The following IFITM10 variants were observed in gnomAD, a reference collection of about 807,000 sequenced individuals.
IFITM10 encodes the protein interferon induced transmembrane protein 10.
IFITM10 carries 17 observed loss-of-function variants against 19.0 expected under a neutral mutation model. The ratio of observed to expected loss-of-function variants is 0.90; its 90% CI spans 0.61 to 1.34. The LOEUF is 1.34. Ranked by LOEUF, IFITM10 falls within the 40% of genes most tolerant of loss-of-function variation. The pLI, the probability that IFITM10 is intolerant of heterozygous loss-of-function variation, is 0.00. For missense variants in IFITM10, 306 were observed against 319.8 expected (o/e 0.96, Z 0.33); for synonymous variants, 148 against 147.2 (o/e 1.01, Z -0.04).
chr11:1,746,796 T>C (rs914327091), intron 2 of IFITM10: 13 of 398,572 alleles, frequency 3.3e-5, no homozygotes, highest in Non-Finnish European at 8.8e-6. Context: ...CACTCAAGTC[T>C]GGGCTGGGGA....
intron 2 of IFITM10, chr11:1,745,398 A>T (rs890722018): frequency 2.6e-5 from 4 of 152,278 alleles, no homozygotes; most frequent in Non-Finnish European, 2.9e-5. Flanking sequence ...CTTTCTGCTC[A>T]GGATTGGTCT....
intron 2 of IFITM10, chr11:1,745,903 AC>A: frequency 6.7e-6 from 1 of 149,856 alleles, no homozygotes; most frequent in East Asian, 2.0e-4. Context: ...TCAGGTACAT[AC>A]AGACAGTACA....
chr11:1,748,128 G>A lies in IFITM10; in HGVS notation c.85-9C>T. 7.4e-7 allele frequency: 1 copy of A among 1,355,494 alleles called. No individual in the cohort carries two copies. The highest frequency in any genetic ancestry group is 9.4e-7 in the Non-Finnish European group (1 of 1,061,322). The allele number at this position is 1,355,494 out of a possible 1,614,324, so 84.0% of individuals were successfully genotyped here. Reference sequence around the variant, plus strand: ...TGGCCGGGGCCCTGGGCCTGGAGAGGAGAAAGTGAGAGCAAGCTGGGCCCG... The same window carrying A: ...TGGCCGGGGCCCTGGGCCTGGAGAGAAGAAAGTGAGAGCAAGCTGGGCCCG... On this transcript the variant is annotated splice_polypyrimidine_tract_variant and intron_variant, in intron 1 of 2. Transcript: ENST00000340134.
At chr11:1,748,155 C>A (rs1590900061) in intron 1 of IFITM10, 36 bp from the exon 2 acceptor site, 1 of 1,314,706 alleles carries the variant, frequency 7.6e-7, no homozygotes. Context: ...CTGGGCCCGG[C>A]CTACCGGCCA....
chr11:1,748,287 A>G (rs866750134), intron 1 of IFITM10, 168 bp from the exon 2 acceptor site: 3 of 479,314 alleles, frequency 6.3e-6, no homozygotes, highest in African/African-American at 6.1e-5. Context: ...CTCGGCGGCC[A>G]CGGACGATGC....
intron 2 of IFITM10, among the ~76,000 whole-genome samples, chr11:1,739,572 G>A (rs1851123801): frequency 6.6e-6 from 1 of 152,178 alleles, no homozygotes; most frequent in African/African-American, 2.4e-5. Flanking sequence ...TGCTCAGTGT[G>A]CTAAAAAGAA....
intron 2 of IFITM10, chr11:1,745,615 C>T (rs1463428792): frequency 6.6e-6 from 1 of 152,190 alleles, no homozygotes; most frequent in African/African-American, 2.4e-5. Context: ...ATACATCACA[C>T]ATGCACACAC....
intron 1 of IFITM10, among the ~76,000 whole-genome samples, chr11:1,749,890 G>A (rs1345042599): frequency 6.6e-6 from 1 of 152,048 alleles, no homozygotes; most frequent in Non-Finnish European, 1.5e-5. Context: ...ACTTCACCCA[G>A]CCGGGGCCCC....
At chr11:1,740,858 C>T (rs937229787) in intron 2 of IFITM10, among the ~76,000 whole-genome samples, 1 of 98,666 alleles carries the variant, frequency 1.0e-5, no homozygotes, top group Non-Finnish European at 2.2e-5. Context: ...TTGATGCTGT[C>T]CTCACCATAG....
intron 2 of IFITM10, chr11:1,746,889 C>G (rs1331267202): frequency 1.5e-5 from 6 of 397,904 alleles, no homozygotes; most frequent in Non-Finnish European, 2.7e-5. Flanking sequence ...GGCCTGCCCT[C>G]GCCCTCACGC....
chr11:1,745,565 A>T (rs548315607), intron 2 of IFITM10: 34 of 152,680 alleles, frequency 2.2e-4, no homozygotes, highest in African/African-American at 7.7e-4. Flanking sequence ...CGTACCATGC[A>T]CACTCACGTA....
intron 2 of IFITM10, among the ~76,000 whole-genome samples, chr11:1,735,951 G>A (rs1010016129): frequency 2.0e-5 from 3 of 152,080 alleles, no homozygotes; most frequent in Non-Finnish European, 4.4e-5. Context: ...CAGTCCACAG[G>A]GCCTTTGGGG....
At chr11:1,746,606 C>T (rs769384647) in intron 2 of IFITM10, 3 of 398,512 alleles carry the variant, frequency 7.5e-6, no homozygotes, top group Non-Finnish European at 8.8e-6. Context: ...AGGGGAACGC[C>T]GACCGCAGTT....
intron 2 of IFITM10, among the ~76,000 whole-genome samples, chr11:1,743,137 TATGG>T (rs1441026044): frequency 1.7e-5 from 2 of 120,144 alleles, no homozygotes; most frequent in South Asian, 2.7e-4. Context: ...GATGGATGGA[TATGG>T]ATGGATGGAC....
rs1338224306 is a variant in IFITM10 at position 1,750,476 on chromosome 11, T to C, written c.-34A>G. 11 of 1,550,226 alleles carry C rather than the reference T, an allele frequency of 7.1e-6. No homozygotes were observed. Among genetic ancestry groups the C allele is most frequent in the African/African-American group, 5.5e-5 (4 of 73,100 alleles). ...AAGCCCCATCCTCCCATGAAACTCC[T>C]TTCTCCTCTGCCACTCTCAACTGGC... On this transcript the variant is annotated 5_prime_UTR_variant, in exon 1 of 3. Coordinates refer to ENST00000340134, the MANE Select transcript of IFITM10 (RefSeq NM_001170820.4).
In IFITM10 at chr11:1,732,567, C is replaced by G. The variant is rs769219187; in HGVS notation, c.*2713G>C. 10 of 152,366 alleles carry G rather than the reference C, an allele frequency of 6.6e-5. No homozygotes were observed. Among genetic ancestry groups the G allele is most frequent in the Non-Finnish European group, 1.2e-4 (8 of 68,150 alleles). The allele number at this position is 152,366 out of a possible 1,614,324, so 9.4% of individuals were successfully genotyped here. On this transcript the variant is annotated 3_prime_UTR_variant, in exon 3 of 3. Coordinates refer to ENST00000340134, the MANE Select transcript of IFITM10 (RefSeq NM_001170820.4). ...AAGACACAGACTTCGAAGCCAGAGA[C>G]CAGCGCCGGAGCTGATGCCTGCTTG...
At chr11:1,736,244 G>A (rs187428878) in intron 2 of IFITM10, among the ~76,000 whole-genome samples, 1 of 152,324 alleles carries the variant, frequency 6.6e-6, no homozygotes, top group African/African-American at 2.4e-5. Context: ...GCTGAAAGAA[G>A]GAAGGTGGGC....
chr11:1,741,739 T>C (rs1181348085), intron 2 of IFITM10, among the ~76,000 whole-genome samples: 1 of 151,988 alleles, frequency 6.6e-6, no homozygotes, highest in Non-Finnish European at 1.5e-5. Context: ...GGATGACATA[T>C]AAGTGGATGA....
chr11:1,748,137 AG>A lies in IFITM10; in HGVS notation c.85-19del. 1 of 1,342,690 alleles carries A rather than the reference AG, an allele frequency of 7.4e-7. No homozygotes were observed. The highest frequency in any genetic ancestry group is 9.5e-7 in the Non-Finnish European group (1 of 1,053,548). 83.2% of individuals were successfully genotyped at this position (1,342,690 alleles called of 1,614,324 possible). ...CCCTGGGCCTGGAGAGGAGAAAGTG[AG>A]AGCAAGCTGGGCCCGGCCTACCGGC... On this transcript the variant is annotated intron_variant, in intron 1 of 2. Coordinates refer to ENST00000340134, the MANE Select transcript of IFITM10 (RefSeq NM_001170820.4).
Sources: allele counts gnomAD v4.1 joint callset (sites outside exome capture counted in the v4.1 genomes callset), GRCh38; gene constraint gnomAD v4.1.1; transcripts MANE v1.5; gene names NCBI Gene and HGNC (gene_info 2026-07-23, HGNC 2026-07-21).